Variants in PSD4 observed in about 807,000 individuals in gnomAD.
The protein encoded by PSD4 is pleckstrin and Sec7 domain containing 4, also known as PH and SEC7 domain-containing protein 4.
PSD4 carries 59 observed loss-of-function variants against 112.5 expected under a neutral mutation model. The observed-to-expected ratio is 0.52, with a 90% CI of 0.43 to 0.65. PSD4 has a LOEUF of 0.65. Among genes scored for constraint, PSD4 ranks in the 30% least tolerant of loss-of-function variants. The pLI is 0.00. For synonymous variants in PSD4, 533 were observed against 540.0 expected (o/e 0.99, Z 0.18); for missense variants, 1,267 against 1,352.6 (o/e 0.94, Z 0.99).
chr2:113,183,172 C>T lies in PSD4; in HGVS notation c.716C>T (p.Ala239Val). 7 of 1,614,174 alleles carry T rather than the reference C, an allele frequency of 4.3e-6. No individual in the cohort carries two copies. The highest frequency in any genetic ancestry group is 5.9e-6 in the Non-Finnish European group (7 of 1,180,018). Residue 239 changes from alanine to valine, a missense_variant, in exon 2 of 17, where the codon GCT (alanine) becomes GTT (valine). This residue lies in a region of PSD4 where 723 missense variants were observed against 704.0 expected (regional missense o/e 1.03). Coordinates refer to ENST00000245796, the MANE Select transcript of PSD4 (RefSeq NM_012455.3). Reference protein sequence around the residue: ...GTPDSSPQWGAEEESMFFSNP... With the variant: ...GTPDSSPQWGVEEESMFFSNP... ...CCAGACTCTTCCCCACAGTGGGGAGCTGAGGAGGAGAGCATGTTCTTCAGC... is the reference window on the plus strand; with the variant it reads ...CCAGACTCTTCCCCACAGTGGGGAGTTGAGGAGGAGAGCATGTTCTTCAGC...
intron 5 of PSD4, among the ~76,000 whole-genome samples, chr2:113,189,524 A>G (rs1008284486): frequency 2.6e-5 from 4 of 152,160 alleles, no homozygotes; most frequent in Admixed American, 1.3e-4. Context: ...TCCTCTGGGT[A>G]GATACCCAGT....
At chr2:113,200,190 TCACCCATC>T (rs1314857823) in intron 16 of PSD4, among the ~76,000 whole-genome samples, 5 of 152,146 alleles carry the variant, frequency 3.3e-5, no homozygotes, top group African/African-American at 1.2e-4. Context: ...CCCCCAACCC[TCACCCATC>T]CACCCACACT....
chr2:113,180,770 G>A (rs1688109894), intron 1 of PSD4, among the ~76,000 whole-genome samples: 2 of 152,286 alleles, frequency 1.3e-5, no homozygotes, highest in South Asian at 4.1e-4. Context: ...TTGTTCTTGG[G>A]TATCTGGAAG....
In PSD4 at chr2:113,193,313, C is replaced by T. The variant is rs781444764; in HGVS notation, c.1975C>T (p.Leu659Phe). The T allele has an allele frequency of 6.2e-7, 1 of 1,600,490 alleles. No individual in the cohort carries two copies. The highest frequency in any genetic ancestry group is 8.5e-7 in the Non-Finnish European group (1 of 1,175,788). The change falls in exon 8 of 17, where the codon CTC becomes TTC. Residue 659 changes from leucine (L) to phenylalanine (F), a missense_variant. This residue lies in a region of PSD4 where 544 missense variants were observed against 648.6 expected (regional missense o/e 0.84). Transcript: ENST00000245796. ...SGETQERERI[L>F]YQFSRRFHHC... ...GGAGACTCAGGAACGGGAGCGAATCCTCTACCAGTTCTCCAGACGCTTCCA... is the reference window on the plus strand; with the variant it reads ...GGAGACTCAGGAACGGGAGCGAATCTTCTACCAGTTCTCCAGACGCTTCCA...
chr2:113,196,108 G>T, intron 11 of PSD4, 39 bp from the exon 12 acceptor site: 1 of 1,589,908 alleles, frequency 6.3e-7, no homozygotes, highest in African/African-American at 1.3e-5. Context: ...AGTTCTCTTT[G>T]CATAGTCAGC....
rs1394966319 is a variant in PSD4 at position 113,203,791 on chromosome 2, C to T, written c.*2376C>T. Reference sequence around the variant, plus strand: ...GCTAGGCTGGTCTCGAACTCCTGACCTCAGGTAGTCTGCCTGCCTCGGCCC... The same window carrying T: ...GCTAGGCTGGTCTCGAACTCCTGACTTCAGGTAGTCTGCCTGCCTCGGCCC... On this transcript the variant is annotated 3_prime_UTR_variant, in exon 17 of 17. Coordinates refer to ENST00000245796, the MANE Select transcript of PSD4 (RefSeq NM_012455.3). 2.0e-5 allele frequency: 3 copies of T among 152,242 alleles called. No homozygotes were observed. The East Asian group carries it at 5.8e-4, about 29-fold the overall frequency. 9.4% of individuals were successfully genotyped at this position (152,242 alleles called of 1,614,324 possible).
rs942438214 is a variant in PSD4 at position 113,183,215 on chromosome 2, G to A, written c.759G>A (p.Ala253=). ...SMFFSNPLFL[A]SPCSENSASG... is the part of the protein sequence containing the mutation. ...TCTTCAGCAACCCCCTCTTCCTGGCGAGTCCTTGCTCAGAGAACAGTGCTT... is the reference window on the plus strand; with the variant it reads ...TCTTCAGCAACCCCCTCTTCCTGGCAAGTCCTTGCTCAGAGAACAGTGCTT... The change falls in exon 2 of 17, where the codon GCG becomes GCA. Residue 253 remains alanine (A), a synonymous_variant. Transcript: ENST00000245796. 1.1e-5 allele frequency: 17 copies of A among 1,614,076 alleles called. No individual in the cohort carries two copies. Among genetic ancestry groups the A allele is most frequent in the East Asian group, 6.7e-5 (3 of 44,894 alleles).
rs78289635 is a variant in PSD4, at chr2:113,183,045, G to C, written c.589G>C (p.Gly197Arg). Residue 197 changes from glycine to arginine, a missense_variant, in exon 2 of 17, where the codon GGG becomes CGG. Transcript: ENST00000245796. Reference protein sequence around the residue: ...CLPTPPVDLPGDTGLHSSPPE... With the variant: ...CLPTPPVDLPRDTGLHSSPPE... Reference sequence around the variant, plus strand: ...CCCCACGCCCCCTGTGGACCTCCCCGGGGACACGGGCCTGCACTCCAGCCC... The same window carrying C: ...CCCCACGCCCCCTGTGGACCTCCCCCGGGACACGGGCCTGCACTCCAGCCC... 1 of 1,613,496 alleles carries C rather than the reference G, an allele frequency of 6.2e-7. No homozygotes were observed. The highest frequency in any genetic ancestry group is 1.3e-5 in the African/African-American group (1 of 75,018).
At chr2:113,178,853 A>G (rs1172526262) in intron 1 of PSD4, among the ~76,000 whole-genome samples, 2 of 152,118 alleles carry the variant, frequency 1.3e-5, no homozygotes, top group Non-Finnish European at 2.9e-5. Context: ...GCATGGCAGG[A>G]GAACTATTTG....
intron 14 of PSD4, 45 bp from the exon 15 acceptor site, chr2:113,198,695 G>A (rs376985873): frequency 1.1e-4 from 161 of 1,504,172 alleles, no homozygotes; most frequent in Non-Finnish European, 1.4e-4. Flanking sequence ...AGGGTGACAG[G>A]ACGGACTCTG....
chr2:113,196,669 C>A (rs547448176), intron 12 of PSD4: 23 of 190,728 alleles, frequency 1.2e-4, no homozygotes, highest in Non-Finnish European at 2.1e-4. Context: ...GTTTTGGAAG[C>A]GGGATGTGGC....
At chr2:113,179,567 G>A (rs539414866) in intron 1 of PSD4, among the ~76,000 whole-genome samples, 85 of 152,284 alleles carry the variant, frequency 5.6e-4, no homozygotes, top group South Asian at 1.2e-3. Context: ...GCAGAGCAGC[G>A]CTTGGGCTGC....
At chr2:113,199,038 G>A in intron 15 of PSD4, 45 bp from the exon 16 acceptor site, 1 of 1,513,904 alleles carries the variant, frequency 6.6e-7, no homozygotes, top group Non-Finnish European at 8.8e-7. Context: ...GAAAGCGGCG[G>A]AGGGGACGCC....
At position 113,186,129 on chromosome 2, in the gene PSD4, G is replaced by A. The variant is rs1162404937; in HGVS notation, c.1502G>A (p.Ser501Asn). ...SLLETDGEQP[S>N]SLKKKEAGEA... ...TTGGAGACGGATGGGGAACAGCCAA[G>A]TTCCTTGAAGAAAAAGGAGGCAGGG... The change falls in exon 5 of 17, where the codon AGT (serine) becomes AAT (asparagine). Residue 501 changes from serine to asparagine, a missense_variant. Physicochemically the swap from Ser to Asn is conservative, Grantham distance 46 (BLOSUM62 1). Around this residue, in one of 2 missense-constraint regions of PSD4, gnomAD observed 723 missense variants for 704.0 expected, o/e 1.03. Transcript: ENST00000245796. 1.9e-6 allele frequency: 3 copies of A among 1,614,080 alleles called. No individual in the cohort carries two copies. In the African/African-American group the frequency reaches 4.0e-5, roughly 22 times the overall value.
In PSD4 at chr2:113,205,018, A is replaced by T. The variant is rs1250275407; in HGVS notation, c.*3603A>T. ...AGTCTCGCTCTGTTGCCCAGGCTGG[A>T]GTGCAATGGTGCGATCTCAGCTCAC... On this transcript the variant is annotated 3_prime_UTR_variant, in exon 17 of 17. Coordinates refer to ENST00000245796, the MANE Select transcript of PSD4 (RefSeq NM_012455.3). 6.6e-6 allele frequency: 1 copy of T among 150,888 alleles called. No homozygotes were observed. Among genetic ancestry groups the T allele is most frequent in the African/African-American group, 2.5e-5 (1 of 40,806 alleles). The allele number at this position is 150,888 out of a possible 1,614,324, so 9.3% of individuals were successfully genotyped here. A position where few individuals can be genotyped will look rare whatever the true frequency, so the allele number is the denominator to read the frequency against.
rs994522153 is a variant in PSD4, at chr2:113,201,628, C to G, written c.*213C>G. On this transcript the variant is annotated 3_prime_UTR_variant, in exon 17 of 17. Transcript: ENST00000245796. ...TGCTCCCCACCACCCCCATGGCAGT[C>G]CCTCCGCAGCCCCAGTCCCTGGCCA... 7.6e-6 allele frequency: 5 copies of G among 661,348 alleles called. No individual in the cohort carries two copies. Among genetic ancestry groups the G allele is most frequent in the Middle Eastern group, 4.0e-4 (1 of 2,472 alleles). The allele number at this position is 661,348 out of a possible 1,614,324, so 41.0% of individuals were successfully genotyped here. A position where few individuals can be genotyped will look rare whatever the true frequency, so the allele number is the denominator to read the frequency against.
intron 1 of PSD4, among the ~76,000 whole-genome samples, chr2:113,176,018 G>C (rs1687964356): frequency 6.6e-6 from 1 of 152,206 alleles, no homozygotes; most frequent in Non-Finnish European, 1.5e-5. Context: ...GTCAGCTGTA[G>C]AGTTAGGATG....
chr2:113,199,197 C>G lies in PSD4; in HGVS notation c.2884C>G (p.Arg962Gly), dbSNP rs976031436. ...RGRGRELEEH[R>G]LRKEYLEYEK... ...CCGTGGCCGCGAGCTGGAGGAGCAC[C>G]GCCTGCGGAAGGAGTACCTGGAGTA... The change falls in exon 16 of 17, where the codon CGC becomes GGC. Residue 962 changes from arginine to glycine, a missense_variant. Physicochemically the swap from Arg to Gly is moderately radical, Grantham distance 125 (BLOSUM62 -2). This residue lies in a region of PSD4 where 544 missense variants were observed against 648.6 expected (regional missense o/e 0.84). Coordinates refer to ENST00000245796, the MANE Select transcript of PSD4 (RefSeq NM_012455.3). The G allele has an allele frequency of 4.0e-6, 6 of 1,518,218 alleles. No homozygotes were observed. Among genetic ancestry groups the G allele is most frequent in the Non-Finnish European group, 4.4e-6 (5 of 1,136,554 alleles). 94.0% of individuals were successfully genotyped at this position (1,518,218 alleles called of 1,614,324 possible). A position where few individuals can be genotyped will look rare whatever the true frequency, so the allele number is the denominator to read the frequency against.
chr2:113,186,468 G>C (rs181494937), intron 5 of PSD4, among the ~76,000 whole-genome samples: 1 of 152,342 alleles, frequency 6.6e-6, no homozygotes, highest in Non-Finnish European at 1.5e-5. Context: ...TATACACGTG[G>C]AGGCGAGATC....
Sources: gnomAD v4.1 joint callset for allele counts (sites outside exome capture counted in the v4.1 genomes callset) on GRCh38, gnomAD v4.1.1 for gene constraint, gnomAD v4.1.1 regional missense constraint, MANE v1.5 for transcripts, NCBI Gene and HGNC (gene_info 2026-07-23, HGNC 2026-07-21) for gene names.